SLC71A2: variants seen among roughly 807,000 people sequenced by gnomAD.
The protein encoded by SLC71A2 is hippocampus abundant transcript-like 1.
chr9:94,377,673 G>A, the SLC71A2 span, among the ~76,000 whole-genome samples: 1 of 151,710 alleles, frequency 6.6e-6, no homozygotes, highest in African/African-American at 2.4e-5. Context: ...GAGCCATGAT[G>A]CTTGGCCTGA....
At chr9:94,459,588 T>C in the SLC71A2 span, 9 of 568,138 alleles carry the variant, frequency 1.6e-5, no homozygotes, top group African/African-American at 1.8e-4. Flanking sequence ...TTTTTTTCTC[T>C]TACATTCTTT....
the SLC71A2 span, among the ~76,000 whole-genome samples, chr9:94,423,925 A>C: frequency 2.7e-5 from 4 of 149,354 alleles, no homozygotes; most frequent in African/African-American, 4.9e-5. Context: ...GTTTTTAAAA[A>C]ATCCTGTTTA....
the SLC71A2 span, among the ~76,000 whole-genome samples, chr9:94,446,151 C>G: frequency 2.0e-5 from 3 of 152,208 alleles, no homozygotes; most frequent in Non-Finnish European, 2.9e-5. Flanking sequence ...CCAGCAAAGT[C>G]TCAACAACAT....
At chr9:94,444,490 C>T in the SLC71A2 span, among the ~76,000 whole-genome samples, 2 of 152,196 alleles carry the variant, frequency 1.3e-5, no homozygotes, top group Non-Finnish European at 2.9e-5. Flanking sequence ...ATAAAATGTT[C>T]AAACAGTGCA....
chr9:94,410,851 C>T, the SLC71A2 span, among the ~76,000 whole-genome samples: 4 of 152,292 alleles, frequency 2.6e-5, no homozygotes, highest in Non-Finnish European at 4.4e-5. Flanking sequence ...CTGCAGCCTC[C>T]GCCTCCTGGG....
the SLC71A2 span, chr9:94,458,267 A>G: frequency 6.5e-7 from 1 of 1,549,772 alleles, no homozygotes; most frequent in Non-Finnish European, 8.8e-7. Context: ...TGCAGCTCCA[A>G]ATCTTGAGAT....
At chr9:94,451,551 T>TA in the SLC71A2 span, 16 of 1,183,168 alleles carry the variant, frequency 1.4e-5, no homozygotes, top group African/African-American at 2.0e-4. Context: ...TATCTATACT[T>TA]AAAAAATTTA....
the SLC71A2 span, chr9:94,456,103 AT>A: frequency 3.5e-6 from 2 of 579,278 alleles, no homozygotes; most frequent in African/African-American, 3.8e-5. Context: ...AAAAAAATGC[AT>A]TTTTAAAGAG....
chr9:94,420,371 G>A, the SLC71A2 span, among the ~76,000 whole-genome samples: 1 of 152,184 alleles, frequency 6.6e-6, no homozygotes, highest in Non-Finnish European at 1.5e-5. Flanking sequence ...AGGGGCAGGA[G>A]TCTGGTAGCG....
the SLC71A2 span, chr9:94,415,239 A>G: frequency 6.8e-6 from 11 of 1,612,292 alleles, no homozygotes; most frequent in South Asian, 7.7e-5. Context: ...CCTGTTGACA[A>G]CTCCAATGTT....
At chr9:94,450,888 A>G in the SLC71A2 span, among the ~76,000 whole-genome samples, 1 of 152,204 alleles carries the variant, frequency 6.6e-6, no homozygotes, top group Non-Finnish European at 1.5e-5. Flanking sequence ...AATCATTGCC[A>G]GGTTACTTTG....
the SLC71A2 span, among the ~76,000 whole-genome samples, chr9:94,414,633 T>A: frequency 2.4e-4 from 36 of 152,090 alleles, no homozygotes; most frequent in Non-Finnish European, 5.1e-4. Flanking sequence ...TCCAGTGATT[T>A]GCGTCGATGG....
chr9:94,460,474 T>C, the SLC71A2 span: 1 of 152,026 alleles, frequency 6.6e-6, no homozygotes, highest in South Asian at 2.1e-4. Flanking sequence ...TTAAGTTCCT[T>C]TCTAAAATAA....
the SLC71A2 span, among the ~76,000 whole-genome samples, chr9:94,416,969 T>C: frequency 6.6e-6 from 1 of 152,160 alleles, no homozygotes; most frequent in African/African-American, 2.4e-5. Flanking sequence ...TAGTTTTTCC[T>C]TCATAGTAGG....
chr9:94,415,151 T>G, the SLC71A2 span: 96 of 1,605,526 alleles, frequency 6.0e-5, no homozygotes, highest in African/African-American at 1.2e-3. Flanking sequence ...ATAACTTTCT[T>G]TTTTAGCTAC....
At chr9:94,417,235 A>G in the SLC71A2 span, among the ~76,000 whole-genome samples, 2 of 152,150 alleles carry the variant, frequency 1.3e-5, no homozygotes, top group Non-Finnish European at 2.9e-5. Context: ...TACCATTTTC[A>G]CTGTTTTGAA....
the SLC71A2 span, among the ~76,000 whole-genome samples, chr9:94,452,805 CCTAT>C: frequency 8.0e-5 from 12 of 149,650 alleles, no homozygotes; most frequent in Non-Finnish European, 7.4e-5. Flanking sequence ...TAACCATTTC[CCTAT>C]CTATTGTAAA....
the SLC71A2 span, among the ~76,000 whole-genome samples, chr9:94,426,420 ACTT>A: frequency 2.6e-5 from 4 of 152,066 alleles, no homozygotes; most frequent in Admixed American, 6.5e-5. Flanking sequence ...TGGAAAATGA[ACTT>A]CTTCAAGGTC....
the SLC71A2 span, among the ~76,000 whole-genome samples, chr9:94,457,046 AGCCTCC>A: frequency 1.3e-5 from 2 of 148,230 alleles, no homozygotes; most frequent in African/African-American, 5.0e-5. Context: ...GGCTCCCTGC[AGCCTCC>A]GTCTCCTGGG....
Sources: allele counts gnomAD v4.1 joint callset (sites outside exome capture counted in the v4.1 genomes callset), GRCh38; gene constraint gnomAD v4.1.1; transcripts MANE v1.5; gene names NCBI Gene and HGNC (gene_info 2026-07-23, HGNC 2026-07-21).